Variants in PLCB1 observed in about 807,000 individuals in gnomAD.
PLCB1 encodes phospholipase C beta 1.
Under a neutral mutation model 161.8 loss-of-function variants are expected in PLCB1, and 46 were observed. That is an observed-to-expected ratio of 0.28 (90% CI 0.22 to 0.36). The LOEUF is 0.36. PLCB1 is among the 10% of genes least tolerant of loss of function. PLCB1 has a pLI of 1.00. For missense variants in PLCB1, 1,016 were observed against 1,472.5 expected (o/e 0.69, Z 5.07); for synonymous variants, 517 against 503.7 (o/e 1.03, Z -0.35).
At position 8,757,072 on chromosome 20, in the gene PLCB1, G is replaced by A. The variant is rs141433824; in HGVS notation, c.2550G>A (p.Glu850=). The A allele has an allele frequency of 6.2e-7, 1 of 1,612,200 alleles. No homozygotes were observed. Among genetic ancestry groups the A allele is most frequent in the South Asian group, 1.1e-5 (1 of 90,804 alleles). Residue 850 remains glutamate, a synonymous_variant, in exon 24 of 32, where the codon GAG becomes GAA. Coordinates refer to ENST00000338037, the MANE Select transcript of PLCB1 (RefSeq NM_015192.4). ...KEADPGETPS[E]APSEARTTPA... is the part of the protein sequence containing the mutation. ...CTGATCCTGGAGAAACACCATCAGA[G>A]GCTCCAAGTGAAGCGAGAACGACTC...
chr20:8,466,512 T>A (rs1981832281), intron 3 of PLCB1, among the ~76,000 whole-genome samples: 1 of 152,034 alleles, frequency 6.6e-6, no homozygotes, highest in Non-Finnish European at 1.5e-5. Flanking sequence ...ACAGGGAATC[T>A]AGGCTGGCAT....
At chr20:8,676,351 ACT>A (rs756417569) in intron 9 of PLCB1, among the ~76,000 whole-genome samples, 7 of 151,970 alleles carry the variant, frequency 4.6e-5, no homozygotes, top group Non-Finnish European at 7.4e-5. Flanking sequence ...ACAGAGCAAG[ACT>A]CTGTCTCAAG....
chr20:8,169,635 G>A (rs1256241735), intron 2 of PLCB1, among the ~76,000 whole-genome samples: 1 of 152,134 alleles, frequency 6.6e-6, no homozygotes, highest in Non-Finnish European at 1.5e-5. Context: ...AGTGTCTCAG[G>A]TTGCAGATAA....
intron 9 of PLCB1, among the ~76,000 whole-genome samples, chr20:8,664,374 G>C (rs755400698): frequency 6.6e-6 from 1 of 152,062 alleles, no homozygotes; most frequent in Non-Finnish European, 1.5e-5. Context: ...TTTAGGCAAA[G>C]TTCAGATACA....
At chr20:8,192,142 T>G (rs1467309732) in intron 2 of PLCB1, among the ~76,000 whole-genome samples, 1 of 152,066 alleles carries the variant, frequency 6.6e-6, no homozygotes, top group African/African-American at 2.4e-5. Context: ...AATGTCATCC[T>G]TTTATTCAGA....
chr20:8,197,564 T>G (rs1036568217), intron 2 of PLCB1, among the ~76,000 whole-genome samples: 2 of 152,182 alleles, frequency 1.3e-5, no homozygotes, highest in African/African-American at 4.8e-5. Context: ...TATTAGCCCT[T>G]TGTCAGATGA....
At chr20:8,233,664 AC>A (rs1980181111) in intron 2 of PLCB1, among the ~76,000 whole-genome samples, 1 of 152,122 alleles carries the variant, frequency 6.6e-6, no homozygotes, top group African/African-American at 2.4e-5. Context: ...ACATTAAGAA[AC>A]AGGACATTTC....
chr20:8,657,640 T>C (rs1989499990), intron 8 of PLCB1, among the ~76,000 whole-genome samples: 1 of 152,080 alleles, frequency 6.6e-6, no homozygotes, highest in Non-Finnish European at 1.5e-5. Flanking sequence ...ATTTTATCTC[T>C]CTGAGCCACA....
At chr20:8,502,313 A>C (rs1373048246) in intron 3 of PLCB1, among the ~76,000 whole-genome samples, 1 of 152,168 alleles carries the variant, frequency 6.6e-6, no homozygotes, top group Non-Finnish European at 1.5e-5. Context: ...TCTTGTCAGC[A>C]CTGCCACAGC....
intron 25 of PLCB1, among the ~76,000 whole-genome samples, chr20:8,763,445 G>A (rs1021422736): frequency 1.3e-5 from 2 of 151,972 alleles, no homozygotes; most frequent in African/African-American, 4.8e-5. Flanking sequence ...GAGTGCAGTG[G>A]CACAATCTTG....
At chr20:8,634,584 T>C (rs1318692639) in intron 4 of PLCB1, among the ~76,000 whole-genome samples, 1 of 152,196 alleles carries the variant, frequency 6.6e-6, no homozygotes, top group Non-Finnish European at 1.5e-5. Context: ...CCTACCTATT[T>C]CCTGAAATTC....
rs869194352 is a variant in PLCB1 at position 8,276,986 on chromosome 20, C to CTTCTTCTTATTATTA, written c.178-94394_178-94393insCTTCTTATTATTATT. On this transcript the variant is annotated intron_variant, in intron 2 of 31. Coordinates refer to ENST00000338037, the MANE Select transcript of PLCB1 (RefSeq NM_015192.4). ...TCTTCTTCTTCTTCTTCTTCTTCTT[C>CTTCTTCTTATTATTA]TTATTATTATTATTATTATTATTAT... 1.1e-3 allele frequency among the ~76,000 whole-genome samples: 102 copies of CTTCTTCTTATTATTA among 93,340 alleles called. 1 individual carries two copies. The highest frequency in any genetic ancestry group is 5.0e-3 in the Middle Eastern group (1 of 200). 61.2% of individuals were successfully genotyped at this position (93,340 alleles called of 152,430 possible).
chr20:8,612,161 A>G (rs191930808), intron 3 of PLCB1, among the ~76,000 whole-genome samples: 182 of 152,280 alleles, frequency 1.2e-3, no homozygotes, highest in African/African-American at 4.1e-3. Context: ...ACTGTGCCAC[A>G]TTCATAAACA....
At chr20:8,528,492 T>A (rs1002231614) in intron 3 of PLCB1, among the ~76,000 whole-genome samples, 1 of 152,122 alleles carries the variant, frequency 6.6e-6, no homozygotes, top group Middle Eastern at 3.4e-3. Context: ...GGCAAATTAG[T>A]CTGTGGTGAC....
chr20:8,159,961 C>T (rs1232116292), intron 2 of PLCB1, among the ~76,000 whole-genome samples: 1 of 133,132 alleles, frequency 7.5e-6, no homozygotes, highest in Admixed American at 8.9e-5. Context: ...GTACTCCAGC[C>T]TGGGCAACAA....
chr20:8,310,096 T>A (rs1984328346), intron 2 of PLCB1, among the ~76,000 whole-genome samples: 1 of 152,168 alleles, frequency 6.6e-6, no homozygotes, highest in Non-Finnish European at 1.5e-5. Context: ...TTGTTGTGGT[T>A]TTGTTGTGGA....
rs899481105 is a variant in PLCB1 at position 8,499,192 on chromosome 20, A to T, written c.246+127742A>T. Among the ~76,000 whole-genome samples the T allele has an allele frequency of 3.3e-5, 5 of 152,230 alleles. No individual in the cohort carries two copies. In the South Asian group the frequency reaches 8.3e-4, roughly 25 times the overall value. On this transcript the variant is annotated intron_variant, in intron 3 of 31. Coordinates refer to ENST00000338037, the MANE Select transcript of PLCB1 (RefSeq NM_015192.4). ...TTTGATGATGACTTCTCAAGCAAGG[A>T]ATAACTATAATAGCTTATGTGCTTT...
chr20:8,715,942 C>T (rs1005885919), intron 12 of PLCB1: 13 of 265,504 alleles, frequency 4.9e-5, no homozygotes, highest in East Asian at 6.9e-5. Flanking sequence ...TTGGAATCAG[C>T]GAGTTAAACA....
intron 3 of PLCB1, among the ~76,000 whole-genome samples, chr20:8,618,664 A>T (rs1302118643): frequency 6.6e-6 from 1 of 152,214 alleles, no homozygotes; most frequent in Non-Finnish European, 1.5e-5. Context: ...CTTCATGTAT[A>T]ATGTGTTTTG....
Sources: allele counts gnomAD v4.1 joint callset (sites outside exome capture counted in the v4.1 genomes callset), GRCh38; gene constraint gnomAD v4.1.1; transcripts MANE v1.5; gene names NCBI Gene and HGNC (gene_info 2026-07-23, HGNC 2026-07-21).